CDK13: variants seen among roughly 807,000 people sequenced by gnomAD.
The protein encoded by CDK13 is cyclin dependent kinase 13.
Under a neutral mutation model 137.6 loss-of-function variants are expected in CDK13, and 40 were observed. That is an observed-to-expected ratio of 0.29 (90% confidence interval 0.23 to 0.38). The LOEUF is 0.38. Ranked by LOEUF, CDK13 falls within the 10% of genes least tolerant of loss-of-function variation. The pLI is 1.00. For synonymous variants in CDK13, 869 were observed against 760.1 expected, an observed-to-expected ratio of 1.14 and a Z score of -2.36; for missense variants, 1,704 against 1,951.8, an observed-to-expected ratio of 0.87 and a Z score of 2.39.
chr7:40,054,595 G>A (rs974023033), intron 7 of CDK13, among the ~76,000 whole-genome samples: 6 of 151,834 alleles, frequency 4.0e-5, no homozygotes, highest in African/African-American at 1.2e-4. Flanking sequence ...CACACCCAGC[G>A]AATTTTTGTA....
chr7:40,057,587 A>C (rs1786048690), intron 7 of CDK13, among the ~76,000 whole-genome samples: 1 of 152,238 alleles, frequency 6.6e-6, no homozygotes, highest in Admixed American at 6.5e-5. Flanking sequence ...GAGGAGTAAC[A>C]GATTTTTAGA....
chr7:40,018,454 A>G (rs1785048170), intron 5 of CDK13, among the ~76,000 whole-genome samples: 1 of 152,174 alleles, frequency 6.6e-6, no homozygotes. Flanking sequence ...AGACACGTGC[A>G]TGTGTGTGTT....
chr7:40,030,509 T>C (rs1041994072), intron 5 of CDK13, among the ~76,000 whole-genome samples: 16 of 142,964 alleles, frequency 1.1e-4, no homozygotes, highest in African/African-American at 3.9e-4. Flanking sequence ...TTCAGCTCAC[T>C]GCAACCTCAG....
chr7:39,969,289 G>A (rs1783943424), intron 1 of CDK13, among the ~76,000 whole-genome samples: 1 of 152,198 alleles, frequency 6.6e-6, no homozygotes, highest in African/African-American at 2.4e-5. Flanking sequence ...TGGGATTACA[G>A]TTATGAGCTA....
chr7:40,050,660 T>C (rs1033221049), intron 7 of CDK13, among the ~76,000 whole-genome samples: 1 of 152,252 alleles, frequency 6.6e-6, no homozygotes. Flanking sequence ...CCCAAAGTGC[T>C]GGGATTATAG....
At chr7:39,956,698 C>T (rs1787418553) in intron 1 of CDK13, among the ~76,000 whole-genome samples, 1 of 152,172 alleles carries the variant, frequency 6.6e-6, no homozygotes, top group African/African-American at 2.4e-5. Context: ...GAGGATCCTC[C>T]TGCTTCAGCC....
At chr7:40,001,194 GT>G (rs757469403) in intron 4 of CDK13, among the ~76,000 whole-genome samples, 1 of 150,904 alleles carries the variant, frequency 6.6e-6, no homozygotes, top group Non-Finnish European at 1.5e-5. Flanking sequence ...AAATGACAGT[GT>G]GATATACCCA....
intron 9 of CDK13, among the ~76,000 whole-genome samples, chr7:40,069,112 T>C (rs1379322470): frequency 1.3e-5 from 2 of 152,084 alleles, no homozygotes; most frequent in East Asian, 3.9e-4. Flanking sequence ...CACACACCTA[T>C]AGCCTGAGCT....
chr7:40,012,410 G>A (rs573299703), intron 5 of CDK13, among the ~76,000 whole-genome samples: 1 of 152,094 alleles, frequency 6.6e-6, no homozygotes, highest in African/African-American at 2.4e-5. Flanking sequence ...ACCAGCCTGG[G>A]CAACATAGCA....
chr7:39,970,687 C>T (rs1204456578), intron 1 of CDK13, among the ~76,000 whole-genome samples: 5 of 152,052 alleles, frequency 3.3e-5, no homozygotes, highest in Admixed American at 2.6e-4. Flanking sequence ...TCTTGAACTC[C>T]TGACCTCAAG....
chr7:40,017,349 C>A lies in CDK13; in HGVS notation c.2353+15318C>A, dbSNP rs1046629949. On this transcript the variant is annotated intron_variant, in intron 5 of 13. Transcript: ENST00000181839. ...GAATTGCTAGTTAGATGATACAATT[C>A]TTTTGTATATTAATAGTTATAGCTA... Among the ~76,000 whole-genome samples, 6 of 152,030 alleles carry A rather than the reference C, an allele frequency of 3.9e-5. No homozygotes were observed. In the East Asian group the frequency reaches 1.2e-3, roughly 29 times the overall value.
chr7:39,963,179 A>T (rs1162901945), intron 1 of CDK13, among the ~76,000 whole-genome samples: 1 of 152,124 alleles, frequency 6.6e-6, no homozygotes, highest in Non-Finnish European at 1.5e-5. Context: ...TGGTAGCTTG[A>T]TGGGGATGGC....
chr7:40,020,305 C>A (rs759545064), intron 5 of CDK13, among the ~76,000 whole-genome samples: 2 of 152,096 alleles, frequency 1.3e-5, no homozygotes, highest in Non-Finnish European at 2.9e-5. Flanking sequence ...TAGGCTCAAA[C>A]AATCCTCCCA....
At chr7:40,070,425 A>T (rs898774697) in intron 9 of CDK13, 8 of 139,988 alleles carry the variant, frequency 5.7e-5, no homozygotes, top group African/African-American at 2.4e-4. Context: ...AAAAAAAAAA[A>T]AAAGTGATAG....
rs142336015 is a variant in CDK13, at chr7:40,050,990, G to T, written c.2600+3113G>T. Among the ~76,000 whole-genome samples, 654 of 152,214 alleles carry T rather than the reference G, an allele frequency of 4.3e-3. 4 individuals are homozygous for T. Among genetic ancestry groups the T allele is most frequent in the African/African-American group, 0.014 (587 of 41,542 alleles). On this transcript the variant is annotated intron_variant, in intron 7 of 13. Coordinates refer to ENST00000181839, the MANE Select transcript of CDK13 (RefSeq NM_003718.5). ...TATTATGAGGCTTAATTTTCCCATT[G>T]ATTTTCATTTTAAAATATAATTTGG...
At chr7:39,976,583 GGCATA>G (rs1296918375) in intron 1 of CDK13, among the ~76,000 whole-genome samples, 37 of 151,660 alleles carry the variant, frequency 2.4e-4, no homozygotes. Flanking sequence ...TTTTCCATGG[GGCATA>G]TATTCTAATA....
intron 7 of CDK13, among the ~76,000 whole-genome samples, chr7:40,059,872 A>G (rs920708954): frequency 2.6e-5 from 4 of 152,208 alleles, no homozygotes; most frequent in Non-Finnish European, 5.9e-5. Context: ...TTAAAATTCA[A>G]CTTCCTAGAT....
At chr7:40,005,432 G>A (rs906555179) in intron 5 of CDK13, among the ~76,000 whole-genome samples, 1 of 151,580 alleles carries the variant, frequency 6.6e-6, no homozygotes, top group South Asian at 2.1e-4. Flanking sequence ...CAGCATTACA[G>A]GTGTGTGTCA....
intron 5 of CDK13, among the ~76,000 whole-genome samples, chr7:40,006,490 T>A (rs185415413): frequency 7.2e-4 from 109 of 152,328 alleles, no homozygotes; most frequent in Non-Finnish European, 1.1e-3. Context: ...AATATTTAAT[T>A]AAATATTAAA....
Sources: allele counts gnomAD v4.1 joint callset (sites outside exome capture counted in the v4.1 genomes callset), GRCh38; gene constraint gnomAD v4.1.1; transcripts MANE v1.5; gene names NCBI Gene and HGNC (gene_info 2026-07-23, HGNC 2026-07-21).